Variants in CHRM5 observed in about 807,000 individuals in gnomAD.
The protein encoded by CHRM5 is muscarinic acetylcholine receptor M5.
CHRM5 carries 18 observed loss-of-function variants against 39.0 expected under a neutral mutation model. The observed-to-expected ratio is 0.46, with a 90% CI of 0.32 to 0.68. The LOEUF (loss-of-function observed/expected upper bound fraction) is 0.68. Among genes scored for constraint, CHRM5 ranks in the 30% least tolerant of loss-of-function variants. The pLI, the probability that CHRM5 is intolerant of heterozygous loss-of-function variation, is 0.04. For synonymous variants in CHRM5, 241 were observed against 246.3 expected (o/e 0.98, Z 0.20); for missense variants, 515 against 651.1 (o/e 0.79, Z 2.28).
chr15:34,065,305 C>G lies in CHRM5; in HGVS notation c.*989C>G, dbSNP rs187396236. The G allele has an allele frequency of 7.9e-5, 12 of 152,308 alleles. No individual in the cohort carries two copies. The East Asian group carries it at 2.1e-3, about 27-fold the overall frequency. 9.4% of individuals were successfully genotyped at this position (152,308 alleles called of 1,614,324 possible). ...GAGATCTTGCTTTCTAATCTCTTCA[C>G]AGGGCAAACCTGAGCAAAATGTGGA... On this transcript the variant is annotated 3_prime_UTR_variant, in exon 3 of 3. Transcript: ENST00000383263.
chr15:34,029,520 A>C (rs1472003463), intron 1 of CHRM5, among the ~76,000 whole-genome samples: 1 of 14,036 alleles, frequency 7.1e-5, no homozygotes, highest in African/African-American at 8.9e-5. Context: ...ATTTCTACAA[A>C]AAAAAAAAAA....
At chr15:34,038,821 G>C in intron 1 of CHRM5, 1 of 1,192,076 alleles carries the variant, frequency 8.4e-7, no homozygotes, top group Non-Finnish European at 1.0e-6. Context: ...GGCTCCCGGC[G>C]GCTGCCTCGC....
intron 1 of CHRM5, chr15:34,018,169 G>T (rs1244890492): frequency 6.6e-6 from 1 of 152,214 alleles, no homozygotes; most frequent in African/African-American, 2.4e-5. Context: ...TCCAAAAGAA[G>T]GCATTGTTAC....
chr15:34,004,867 C>A (rs1351083115), intron 1 of CHRM5, among the ~76,000 whole-genome samples: 2 of 151,906 alleles, frequency 1.3e-5, no homozygotes, highest in African/African-American at 4.8e-5. Context: ...AATCTAAAGA[C>A]ATGGTTCAAA....
At chr15:34,002,507 T>C (rs1013354652) in intron 1 of CHRM5, among the ~76,000 whole-genome samples, 3 of 144,464 alleles carry the variant, frequency 2.1e-5, no homozygotes, top group African/African-American at 7.4e-5. Context: ...TTACAGCTGA[T>C]CACGGAAAGG....
intron 1 of CHRM5, among the ~76,000 whole-genome samples, chr15:34,017,488 T>TTTG (rs1567469636): frequency 1.8e-4 from 14 of 77,458 alleles, no homozygotes; most frequent in African/African-American, 4.0e-4. Flanking sequence ...TTTTTTGTTT[T>TTTG]TTTTTTTTTT....
chr15:34,038,670 G>GC (rs1899286101), intron 1 of CHRM5: 1 of 1,028,552 alleles, frequency 9.7e-7, no homozygotes, highest in Admixed American at 5.2e-5. Flanking sequence ...CGGCGCCGCC[G>GC]CCCGTCTGGC....
chr15:33,993,619 T>C (rs993446955), intron 1 of CHRM5, among the ~76,000 whole-genome samples: 2 of 152,112 alleles, frequency 1.3e-5, no homozygotes, highest in Admixed American at 6.5e-5. Context: ...AAATAAAAAA[T>C]TGATAATACA....
intron 1 of CHRM5, chr15:33,991,431 T>C (rs1164337961): frequency 6.6e-6 from 1 of 152,036 alleles, no homozygotes; most frequent in Non-Finnish European, 1.5e-5. Context: ...TTATTATGCA[T>C]GGCATACCTG....
intron 1 of CHRM5, among the ~76,000 whole-genome samples, chr15:33,992,680 C>A (rs1369384788): frequency 2.0e-5 from 3 of 151,984 alleles, no homozygotes; most frequent in Non-Finnish European, 4.4e-5. Flanking sequence ...AAAAAATGAG[C>A]TGAATCAATG....
intron 1 of CHRM5, among the ~76,000 whole-genome samples, chr15:34,037,625 C>T (rs1899208570): frequency 6.6e-6 from 1 of 150,942 alleles, no homozygotes; most frequent in Non-Finnish European, 1.5e-5. Context: ...TAGTTTCTGT[C>T]ATTTACCTTA....
chr15:34,014,801 G>A (rs1226862115), intron 1 of CHRM5, among the ~76,000 whole-genome samples: 1 of 152,190 alleles, frequency 6.6e-6, no homozygotes, highest in African/African-American at 2.4e-5. Flanking sequence ...CTGAGAATGT[G>A]GCCCCTTGAC....
chr15:34,020,140 T>C (rs1049207604), intron 1 of CHRM5, among the ~76,000 whole-genome samples: 2 of 151,954 alleles, frequency 1.3e-5, no homozygotes, highest in Non-Finnish European at 2.9e-5. Flanking sequence ...TGAAACCCCG[T>C]CTCTACTAAA....
intron 1 of CHRM5, among the ~76,000 whole-genome samples, chr15:34,015,056 C>T (rs1174641082): frequency 6.6e-6 from 1 of 152,040 alleles, no homozygotes; most frequent in South Asian, 2.1e-4. Flanking sequence ...CTGTCCTTAA[C>T]AGTGTGTCTC....
chr15:34,064,245 C>T lies in CHRM5; in HGVS notation c.1528C>T (p.Leu510Phe), dbSNP rs755558707. 7.4e-6 allele frequency: 12 copies of T among 1,614,140 alleles called. No individual in the cohort carries two copies. The Admixed American group carries it at 8.3e-5, about 11-fold the overall frequency. ...CTTCAGGAAGACCTTTAAGATGCTG[C>T]TTCTCTGCCGATGGAAAAAGAAAAA... ...RTFRKTFKML[L>F]LCRWKKKKVE... The change falls in exon 3 of 3, where the codon CTT (leucine) becomes TTT (phenylalanine). Residue 510 changes from leucine to phenylalanine, a missense_variant. Leu to Phe is a conservative substitution (Grantham distance 22). Coordinates refer to ENST00000383263, the MANE Select transcript of CHRM5 (RefSeq NM_012125.4).
intron 1 of CHRM5, among the ~76,000 whole-genome samples, chr15:33,983,062 G>A (rs1389207213): frequency 6.6e-6 from 1 of 151,302 alleles, no homozygotes; most frequent in Non-Finnish European, 1.5e-5. Flanking sequence ...TCTGAGCAAC[G>A]GATTTTAGAC....
chr15:33,977,177 A>G (rs1294320055), intron 1 of CHRM5, among the ~76,000 whole-genome samples: 1 of 152,190 alleles, frequency 6.6e-6, no homozygotes, highest in Non-Finnish European at 1.5e-5. Flanking sequence ...AATGAACAAA[A>G]AACACAAAAT....
chr15:34,030,734 G>A (rs1290294016), intron 1 of CHRM5, among the ~76,000 whole-genome samples: 3 of 151,788 alleles, frequency 2.0e-5, no homozygotes, highest in Admixed American at 6.6e-5. Flanking sequence ...TTCCTGCCTC[G>A]GCCTCCTGAG....
chr15:33,997,997 C>G (rs12050692), intron 1 of CHRM5, among the ~76,000 whole-genome samples: 2 of 152,002 alleles, frequency 1.3e-5, no homozygotes, highest in Admixed American at 1.3e-4. Context: ...TCCTTGACAA[C>G]TATTTCTTAC....
Sources: gnomAD v4.1 joint callset for allele counts (sites outside exome capture counted in the v4.1 genomes callset) on GRCh38, gnomAD v4.1.1 for gene constraint, MANE v1.5 for transcripts, NCBI Gene and HGNC (gene_info 2026-07-23, HGNC 2026-07-21) for gene names.